Variants in SUDS3 observed in about 807,000 individuals in gnomAD.
SUDS3 encodes SIN3A corepressor complex component SDS3, also known as sin3 histone deacetylase corepressor complex component SDS3.
Under a neutral mutation model 53.5 loss-of-function variants are expected in SUDS3, and 23 were observed. That is an observed-to-expected ratio of 0.43 (90% CI 0.31 to 0.61). SUDS3 has a LOEUF of 0.61. SUDS3 is among the 20% of genes least tolerant of loss of function. The probability of loss-of-function intolerance (pLI) is 0.10; values close to 1 mark genes in which losing one functional copy is unlikely to be tolerated. For missense variants in SUDS3, 291 were observed against 405.9 expected (o/e 0.72, Z 2.43); for synonymous variants, 150 against 148.5 (o/e 1.01, Z -0.08).
intron 6 of SUDS3, among the ~76,000 whole-genome samples, chr12:118,396,584 T>C (rs1464402271): frequency 2.0e-5 from 3 of 152,240 alleles, no homozygotes; most frequent in Admixed American, 1.3e-4. Context: ...GATGACCCTT[T>C]GAATCACTGC....
chr12:118,378,109 G>GT lies in SUDS3; in HGVS notation c.142+1285dup, dbSNP rs138250567. ...GGGGGCGCTGTGGAGCCAAAATTGA[G>GT]TTTTTTTTTCCTTCCAGTATAGGGG... is the stretch of plus-strand genomic sequence containing the variant. On this transcript the variant is annotated intron_variant, in intron 1 of 11. Coordinates refer to ENST00000543473, the MANE Select transcript of SUDS3 (RefSeq NM_022491.3). Among the ~76,000 whole-genome samples, 1,226 of 151,556 alleles carry GT rather than the reference G, an allele frequency of 8.1e-3. 12 individuals are homozygous for GT. Among genetic ancestry groups the GT allele is most frequent in the African/African-American group, 0.027 (1,129 of 41,210 alleles).
chr12:118,389,122 C>CT (rs2046141726), intron 4 of SUDS3, among the ~76,000 whole-genome samples: 1 of 152,114 alleles, frequency 6.6e-6, no homozygotes, highest in African/African-American at 2.4e-5. Flanking sequence ...GCACTCCAGT[C>CT]TGGGTGACAG....
intron 10 of SUDS3, among the ~76,000 whole-genome samples, chr12:118,408,669 A>G (rs1484279067): frequency 6.6e-6 from 1 of 151,000 alleles, no homozygotes; most frequent in Non-Finnish European, 1.5e-5. Flanking sequence ...ACACAGGAAC[A>G]TAGTTGACAT....
At chr12:118,388,370 A>C (rs934699309) in intron 4 of SUDS3, among the ~76,000 whole-genome samples, 3 of 152,110 alleles carry the variant, frequency 2.0e-5, no homozygotes, top group African/African-American at 7.2e-5. Context: ...AGGTTTGCAA[A>C]GGGGCCCCTG....
intron 4 of SUDS3, among the ~76,000 whole-genome samples, chr12:118,387,401 G>A (rs2046124618): frequency 1.3e-5 from 2 of 152,156 alleles, no homozygotes; most frequent in Admixed American, 6.5e-5. Context: ...TTCTCCATCT[G>A]TAGAGGGGAA....
intron 10 of SUDS3, among the ~76,000 whole-genome samples, chr12:118,405,833 C>G (rs2046303969): frequency 6.6e-6 from 1 of 152,146 alleles, no homozygotes; most frequent in Non-Finnish European, 1.5e-5. Context: ...TTTTGTTTTT[C>G]TTTCTTTGGC....
chr12:118,380,298 T>TC, intron 2 of SUDS3, 67 bp downstream of exon 2: 4 of 1,386,288 alleles, frequency 2.9e-6, no homozygotes, highest in Non-Finnish European at 4.0e-6. Context: ...AGATTGAGCA[T>TC]CCCAAATCTG....
Position 118,376,597 on chromosome 12 carries a change from G to C in SUDS3, c.-95G>C. On this transcript the variant is annotated 5_prime_UTR_variant, in exon 1 of 12. Transcript: ENST00000543473. Reference sequence around the variant, plus strand: ...CGCCGTGGCTGCCGGTCCTCGAGTTGGGGGCTGCCGCGGACACTGCTAGGC... The same window carrying C: ...CGCCGTGGCTGCCGGTCCTCGAGTTCGGGGCTGCCGCGGACACTGCTAGGC... 2.4e-6 allele frequency: 3 copies of C among 1,250,972 alleles called. No homozygotes were observed. The highest frequency in any genetic ancestry group is 3.0e-6 in the Non-Finnish European group (3 of 995,410). The allele number at this position is 1,250,972 out of a possible 1,614,324, so 77.5% of individuals were successfully genotyped here. A position where few individuals can be genotyped will look rare whatever the true frequency, so the allele number is the denominator to read the frequency against.
At chr12:118,391,062 CTT>C in intron 5 of SUDS3, 62 bp from the exon 6 acceptor site, 1 of 1,589,346 alleles carries the variant, frequency 6.3e-7, no homozygotes, top group South Asian at 1.1e-5. Context: ...CAGGGCTAGA[CTT>C]TGAGTTGGAG....
chr12:118,378,391 C>A (rs563382249), intron 1 of SUDS3, among the ~76,000 whole-genome samples: 91 of 152,204 alleles, frequency 6.0e-4, no homozygotes, highest in African/African-American at 2.1e-3. Flanking sequence ...CTGTACTGAA[C>A]ATGTGCAGAC....
rs2046400986 is a variant in SUDS3 at position 118,416,417 on chromosome 12, A to G, written c.*1984A>G. On this transcript the variant is annotated 3_prime_UTR_variant, in exon 12 of 12. Transcript: ENST00000543473. ...GTGGGACCTCTGCTTTTGTGAAGCA[A>G]CTATTTATTTGAAGACCAGGGTATG... The G allele has an allele frequency of 6.6e-6, 1 of 152,040 alleles. No individual in the cohort carries two copies. The highest frequency in any genetic ancestry group is 1.5e-5 in the Non-Finnish European group (1 of 68,020). The allele number at this position is 152,040 out of a possible 1,614,324, so 9.4% of individuals were successfully genotyped here.
chr12:118,402,270 T>A, intron 9 of SUDS3: 1 of 518,752 alleles, frequency 1.9e-6, no homozygotes. Context: ...GATTTCCTTC[T>A]GTGTAGGCAT....
At chr12:118,386,040 A>G in intron 3 of SUDS3, 74 bp from the exon 4 acceptor site, 1 of 1,175,550 alleles carries the variant, frequency 8.5e-7, no homozygotes, top group South Asian at 1.3e-5. Flanking sequence ...GATGCTAGAT[A>G]ATAATTTTAG....
At chr12:118,414,227 C>A in intron 11 of SUDS3, 108 bp from the exon 12 acceptor site, 1 of 801,138 alleles carries the variant, frequency 1.2e-6, no homozygotes, top group Non-Finnish European at 1.9e-6. Context: ...CAGCAAGAGG[C>A]TACCAGCCTT....
chr12:118,382,652 C>G (rs2046076881), intron 2 of SUDS3, among the ~76,000 whole-genome samples: 1 of 149,744 alleles, frequency 6.7e-6, no homozygotes, highest in African/African-American at 2.5e-5. Flanking sequence ...CAAGAATAAG[C>G]CAATGTGCCC....
Position 118,384,007 on chromosome 12 carries a change from T to G in SUDS3, c.213-5T>G. 6.2e-7 allele frequency: 1 copy of G among 1,607,104 alleles called. No homozygotes were observed. The highest frequency in any genetic ancestry group is 1.1e-5 in the South Asian group (1 of 89,644). ...TCTGTTAGTGTGACTTTTTTTTTTT[T>G]ATAGGATGTATCAGGACAAACTGGC... is the stretch of plus-strand genomic sequence containing the variant. On this transcript the variant is annotated splice_polypyrimidine_tract_variant and splice_region_variant and intron_variant, in intron 2 of 11. Coordinates refer to ENST00000543473, the MANE Select transcript of SUDS3 (RefSeq NM_022491.3).
chr12:118,377,118 C>T (rs1162710135), intron 1 of SUDS3, among the ~76,000 whole-genome samples: 1 of 152,074 alleles, frequency 6.6e-6, no homozygotes, highest in Non-Finnish European at 1.5e-5. Context: ...TCTGATTGAA[C>T]CTCACTCACT....
intron 9 of SUDS3, 94 bp from the exon 10 acceptor site, chr12:118,403,318 C>A: frequency 1.1e-6 from 1 of 948,080 alleles, no homozygotes; most frequent in South Asian, 1.4e-5. Flanking sequence ...TGATTATTAC[C>A]ACATTCTGAT....
At chr12:118,384,882 C>T (rs1229129532) in intron 3 of SUDS3, among the ~76,000 whole-genome samples, 32 of 151,530 alleles carry the variant, frequency 2.1e-4, no homozygotes, top group Non-Finnish European at 1.5e-5. Context: ...GGATTGGAAT[C>T]CCAGTTTCCC....
Sources: gnomAD v4.1 joint callset for allele counts (sites outside exome capture counted in the v4.1 genomes callset) on GRCh38, gnomAD v4.1.1 for gene constraint, MANE v1.5 for transcripts, NCBI Gene and HGNC (gene_info 2026-07-23, HGNC 2026-07-21) for gene names.